The following CADM2 variants were observed in gnomAD, a reference collection of about 807,000 sequenced individuals.
CADM2 encodes the protein immunoglobulin superfamily member 4D.
In CADM2, 12 loss-of-function variants were observed where a neutral mutation model predicts 49.8. That is an observed-to-expected ratio of 0.24 (90% CI 0.15 to 0.39). The LOEUF is 0.39. Among genes scored for constraint, CADM2 ranks in the 10% least tolerant of loss-of-function variants. The probability of loss-of-function intolerance (pLI) is 1.00; values close to 1 mark genes in which losing one functional copy is unlikely to be tolerated. For synonymous variants in CADM2, 214 were observed against 175.4 expected (o/e 1.22, Z -1.74); for missense variants, 378 against 492.3 (o/e 0.77, Z 2.20).
intron 1 of CADM2, among the ~76,000 whole-genome samples, chr3:85,499,140 T>G (rs2040017745): frequency 6.6e-6 from 1 of 152,124 alleles, no homozygotes; most frequent in South Asian, 2.1e-4. Context: ...TAATCAGGAC[T>G]CCTAACAACA....
At chr3:85,735,445 A>G (rs2068095920) in intron 2 of CADM2, among the ~76,000 whole-genome samples, 1 of 152,154 alleles carries the variant, frequency 6.6e-6, no homozygotes, top group Admixed American at 6.5e-5. Flanking sequence ...AGGGTCATAG[A>G]GGGAATGGAG....
chr3:85,424,094 C>A (rs1220445554), intron 1 of CADM2, among the ~76,000 whole-genome samples: 1 of 151,866 alleles, frequency 6.6e-6, no homozygotes, highest in Admixed American at 6.6e-5. Context: ...TAAAATATTG[C>A]CAATAAACTA....
intron 1 of CADM2, among the ~76,000 whole-genome samples, chr3:85,478,721 G>A (rs1040173531): frequency 2.1e-4 from 32 of 151,734 alleles, no homozygotes; most frequent in South Asian, 2.1e-4. Context: ...GAAATCTGGC[G>A]AATTTTAGAC....
At chr3:85,961,812 A>G (rs1724851549) in intron 8 of CADM2, among the ~76,000 whole-genome samples, 165 bp downstream of exon 8, 1 of 151,928 alleles carries the variant, frequency 6.6e-6, no homozygotes, top group Non-Finnish European at 1.5e-5. Flanking sequence ...TAATATTAAT[A>G]TATTCCCAGT....
At chr3:85,601,130 G>GTGTGTGTGTA (rs1328015269) in intron 1 of CADM2, among the ~76,000 whole-genome samples, 1 of 109,632 alleles carries the variant, frequency 9.1e-6, no homozygotes, top group African/African-American at 4.0e-5. Flanking sequence ...ATATATGTGT[G>GTGTGTGTGTA]TATATATATA....
Position 85,233,633 on chromosome 3 carries a change from A to G in CADM2, c.61+273965A>G, listed in dbSNP as rs527992214. On this transcript the variant is annotated intron_variant, in intron 1 of 9. Coordinates refer to ENST00000383699, the MANE Select transcript of CADM2 (RefSeq NM_001167675.2). ...ATGAAATATTTTCATGGCTTTATGTATATTAGACAGCGTAGATGAGATTTA... is the reference window on the plus strand; with the variant it reads ...ATGAAATATTTTCATGGCTTTATGTGTATTAGACAGCGTAGATGAGATTTA... Among the ~76,000 whole-genome samples, 203 of 152,280 alleles carry G rather than the reference A, an allele frequency of 1.3e-3. 2 individuals are homozygous for G. Among genetic ancestry groups the G allele is most frequent in the African/African-American group, 4.5e-3 (185 of 41,570 alleles).
At chr3:85,179,553 C>G (rs557041604) in intron 1 of CADM2, among the ~76,000 whole-genome samples, 2 of 151,668 alleles carry the variant, frequency 1.3e-5, no homozygotes, top group African/African-American at 4.8e-5. Flanking sequence ...TACATTATCT[C>G]TTTTCTCTAA....
At chr3:85,955,611 G>A (rs932394840) in intron 7 of CADM2, among the ~76,000 whole-genome samples, 1 of 151,454 alleles carries the variant, frequency 6.6e-6, no homozygotes, top group Non-Finnish European at 1.5e-5. Flanking sequence ...TAACTGCACA[G>A]AATAAATGCC....
chr3:85,044,550 A>G (rs2035573806), intron 1 of CADM2, among the ~76,000 whole-genome samples: 1 of 152,170 alleles, frequency 6.6e-6, no homozygotes, highest in Admixed American at 6.5e-5. Flanking sequence ...CCTCTCAGCA[A>G]TGAGGATATC....
chr3:85,995,558 C>T (rs1729276989), intron 8 of CADM2, among the ~76,000 whole-genome samples: 1 of 152,104 alleles, frequency 6.6e-6, no homozygotes, highest in African/African-American at 2.4e-5. Context: ...CTACTTTCTG[C>T]ATCGTATTCT....
At chr3:85,681,770 A>G (rs1286386184) in intron 1 of CADM2, among the ~76,000 whole-genome samples, 1 of 152,146 alleles carries the variant, frequency 6.6e-6, no homozygotes, top group Non-Finnish European at 1.5e-5. Flanking sequence ...AAAATTAAAT[A>G]GCATATTTTT....
At chr3:85,463,258 T>C (rs2038334303) in intron 1 of CADM2, among the ~76,000 whole-genome samples, 1 of 152,190 alleles carries the variant, frequency 6.6e-6, no homozygotes, top group African/African-American at 2.4e-5. Context: ...CTAGTGGTTG[T>C]GAAATGCTGA....
At chr3:85,617,467 C>T (rs9880010) in intron 1 of CADM2, among the ~76,000 whole-genome samples, 31,482 of 152,106 alleles carry the variant, frequency 0.21, 3,644 homozygotes, top group South Asian at 0.28. Flanking sequence ...ATCTCCTGCA[C>T]GCAGATGAGT....
intron 1 of CADM2, among the ~76,000 whole-genome samples, chr3:85,260,205 G>A (rs1393580053): frequency 6.6e-6 from 1 of 151,882 alleles, no homozygotes; most frequent in Non-Finnish European, 1.5e-5. Context: ...TACTAGATCA[G>A]TAATTTTAGT....
chr3:86,000,735 G>A (rs139708660), intron 8 of CADM2, among the ~76,000 whole-genome samples: 1 of 151,942 alleles, frequency 6.6e-6, no homozygotes, highest in Non-Finnish European at 1.5e-5. Context: ...CACCAATAAG[G>A]GTAGAATGCC....
intron 1 of CADM2, among the ~76,000 whole-genome samples, chr3:85,050,272 GGGTCAATA>G (rs2035831005): frequency 6.6e-6 from 1 of 151,864 alleles, no homozygotes. Flanking sequence ...AGGAGTAAAA[GGGTCAATA>G]TACTGAAGTA....
At chr3:85,593,943 T>A (rs1184292092) in intron 1 of CADM2, among the ~76,000 whole-genome samples, 1 of 151,802 alleles carries the variant, frequency 6.6e-6, no homozygotes, top group East Asian at 1.9e-4. Flanking sequence ...TTAATATAGG[T>A]TAATTGAAGA....
intron 1 of CADM2, among the ~76,000 whole-genome samples, chr3:85,078,745 A>ATTTTG (rs1363124461): frequency 6.6e-6 from 1 of 151,628 alleles, no homozygotes; most frequent in Non-Finnish European, 1.5e-5. Context: ...TATAGCCGGT[A>ATTTTG]ACCCCATTGA....
intron 1 of CADM2, among the ~76,000 whole-genome samples, chr3:85,375,288 T>C (rs2033524124): frequency 1.3e-5 from 2 of 152,188 alleles, no homozygotes; most frequent in African/African-American, 4.8e-5. Flanking sequence ...CCAAATCTAT[T>C]TGATTCCAAT....
Sources: allele counts gnomAD v4.1 joint callset (sites outside exome capture counted in the v4.1 genomes callset), GRCh38; gene constraint gnomAD v4.1.1; transcripts MANE v1.5; gene names NCBI Gene and HGNC (gene_info 2026-07-23, HGNC 2026-07-21).